TEAD1: variants seen among roughly 807,000 people sequenced by gnomAD.
The protein encoded by TEAD1 is TEA domain transcription factor 1, also known as transcriptional enhancer factor TEF-1.
TEAD1 carries 9 observed loss-of-function variants against 54.9 expected under a neutral mutation model. That is an observed-to-expected ratio of 0.16 (90% confidence interval 0.10 to 0.29). The LOEUF (loss-of-function observed/expected upper bound fraction) is 0.29. Among genes scored for constraint, TEAD1 ranks in the 10% least tolerant of loss-of-function variants. TEAD1 has a pLI of 1.00. For missense variants in TEAD1, 387 were observed against 535.9 expected (o/e 0.72, Z 2.74); for synonymous variants, 200 against 187.8 (o/e 1.07, Z -0.53).
intron 2 of TEAD1, among the ~76,000 whole-genome samples, chr11:12,715,302 C>T (rs1463672961): frequency 6.6e-6 from 1 of 151,948 alleles, no homozygotes; most frequent in African/African-American, 2.4e-5. Flanking sequence ...CCCAGTGTAA[C>T]CAGCAGAACA....
Sources: gnomAD v4.1 joint callset for allele counts (sites outside exome capture counted in the v4.1 genomes callset) on GRCh38, gnomAD v4.1.1 for gene constraint, MANE v1.5 for transcripts, NCBI Gene and HGNC (gene_info 2026-07-23, HGNC 2026-07-21) for gene names.